The following SYNCRIP variants were observed in gnomAD, a reference collection of about 807,000 sequenced individuals.
The protein encoded by SYNCRIP is heterogeneous nuclear ribonucleoprotein Q.
SYNCRIP carries 9 observed loss-of-function variants against 68.9 expected under a neutral mutation model. The observed-to-expected ratio is 0.13, with a 90% CI of 0.08 to 0.23. The LOEUF (loss-of-function observed/expected upper bound fraction) is 0.23, where lower values mean the gene tolerates loss of function less well. Among genes scored for constraint, SYNCRIP ranks in the 10% least tolerant of loss-of-function variants. The pLI, the probability that SYNCRIP is intolerant of heterozygous loss-of-function variation, is 1.00. For missense variants in SYNCRIP, 414 were observed against 770.6 expected (o/e 0.54, Z 5.48); for synonymous variants, 258 against 254.0 (o/e 1.02, Z -0.15).
chr6:85,640,455 A>G lies in SYNCRIP; in HGVS notation c.258T>C (p.Ser86=), dbSNP rs1808997347. The G allele has an allele frequency of 1.2e-6, 2 of 1,603,002 alleles. No homozygotes were observed. Among genetic ancestry groups the G allele is most frequent in the Admixed American group, 3.5e-5 (2 of 57,610 alleles). ...VLQQFKDSDL[S]HVQNKSAFLC... ...TTGACATTAACATTACCTGAACATG[A>G]GAGAGATCACTGTCTTTAAACTGTT... is the stretch of plus-strand genomic sequence containing the variant. Residue 86 remains serine, a synonymous_variant, in exon 3 of 11, where the codon TCT becomes TCC. Coordinates refer to ENST00000369622, the MANE Select transcript of SYNCRIP (RefSeq NM_006372.5).
At chr6:85,627,699 A>G (rs772127387) in intron 6 of SYNCRIP, among the ~76,000 whole-genome samples, 1 of 152,282 alleles carries the variant, frequency 6.6e-6, no homozygotes, top group Middle Eastern at 3.4e-3. Flanking sequence ...CACACACACA[A>G]AAAGTCTTAT....
At chr6:85,642,311 C>A in intron 1 of SYNCRIP, among the ~76,000 whole-genome samples, 1 of 152,176 alleles carries the variant, frequency 6.6e-6, no homozygotes, top group African/African-American at 2.4e-5. Context: ...GAGACGTGAC[C>A]CGTGGCGCGC....
chr6:85,637,704 T>C (rs1211532856), intron 4 of SYNCRIP, among the ~76,000 whole-genome samples: 1 of 152,224 alleles, frequency 6.6e-6, no homozygotes, highest in African/African-American at 2.4e-5. Context: ...TGTACCTAAT[T>C]TGGTTGAGCA....
At chr6:85,640,370 C>A in intron 3 of SYNCRIP, 42 bp from the exon 4 acceptor site, 1 of 1,593,130 alleles carries the variant, frequency 6.3e-7, no homozygotes, top group Non-Finnish European at 8.6e-7. Flanking sequence ...ATAACCATAT[C>A]TGAGTCTAAT....
chr6:85,638,189 T>C (rs1342623756), intron 4 of SYNCRIP, among the ~76,000 whole-genome samples: 1 of 151,954 alleles, frequency 6.6e-6, no homozygotes, highest in East Asian at 1.9e-4. Context: ...CTGGCCAAGA[T>C]GGTGAAACCC....
intron 9 of SYNCRIP, 73 bp downstream of exon 9, chr6:85,619,195 A>G (rs1238674828): frequency 1.4e-5 from 22 of 1,575,230 alleles, no homozygotes; most frequent in Non-Finnish European, 1.8e-5. Context: ...CCAATTTGTA[A>G]AACTATTTTG....
chr6:85,642,966 T>TCCCGGTGCGCGCGCGCGCC, upstream of SYNCRIP: 5 of 151,616 alleles, frequency 3.3e-5, no homozygotes, highest in African/African-American at 4.9e-5. Flanking sequence ...CCGAGCGCGC[T>TCCCGGTGCGCGCGCGCGCC]CCCGGTGCGC....
chr6:85,635,586 A>G (rs1431617069), intron 6 of SYNCRIP, among the ~76,000 whole-genome samples: 2 of 152,156 alleles, frequency 1.3e-5, no homozygotes, highest in East Asian at 3.9e-4. Context: ...CCTGGCCAAC[A>G]TGGTGAAACC....
Position 85,640,699 on chromosome 6 carries a change from A to AC in SYNCRIP, c.149-136dup, listed in dbSNP as rs1491436856. ...CTCATCTATACCTGAAAAAAAAAAA[A>AC]CACACACTTCAGCCACTCTGAACTG... On this transcript the variant is annotated intron_variant, in intron 2 of 10. Transcript: ENST00000369622. 10 of 551,134 alleles carry AC rather than the reference A, an allele frequency of 1.8e-5. No individual in the cohort carries two copies. In the South Asian group the frequency reaches 2.5e-4, roughly 14 times the overall value. 34.1% of individuals were successfully genotyped at this position (551,134 alleles called of 1,614,324 possible). A position where few individuals can be genotyped will look rare whatever the true frequency, so the allele number is the denominator to read the frequency against.
chr6:85,617,711 G>A (rs747985764), intron 10 of SYNCRIP, among the ~76,000 whole-genome samples: 1 of 152,212 alleles, frequency 6.6e-6, no homozygotes, highest in Non-Finnish European at 1.5e-5. Flanking sequence ...ACTAGAACTT[G>A]ATCAATTCCC....
chr6:85,640,410 C>T (rs1222485533), intron 3 of SYNCRIP, 36 bp downstream of exon 3: 6 of 1,581,008 alleles, frequency 3.8e-6, no homozygotes, highest in East Asian at 2.2e-5. Context: ...CAAAACTACT[C>T]AAATTTTTTA....
intron 8 of SYNCRIP, among the ~76,000 whole-genome samples, chr6:85,620,525 C>T (rs1806271578): frequency 6.6e-6 from 1 of 152,116 alleles, no homozygotes; most frequent in Non-Finnish European, 1.5e-5. Flanking sequence ...TGACTAAGCA[C>T]AGGACAGAGG....
At chr6:85,627,979 C>A (rs923694798) in intron 6 of SYNCRIP, among the ~76,000 whole-genome samples, 2 of 152,184 alleles carry the variant, frequency 1.3e-5, no homozygotes, top group Non-Finnish European at 2.9e-5. Context: ...AATTTGGAAT[C>A]TGATCCAGAA....
downstream of SYNCRIP, chr6:85,612,755 A>C: frequency 1.1e-6 from 1 of 936,166 alleles, no homozygotes; most frequent in East Asian, 3.0e-5. Flanking sequence ...TGATTCCATG[A>C]TCTTCATAGG....
chr6:85,614,081 T>C lies in SYNCRIP; in HGVS notation c.*675A>G, dbSNP rs1805500732. The stretch of plus-strand genomic sequence containing the variant: ...ACTGCAATAAATCAGTGTTGTGTAA[T>C]GTGCAGACATATTCCACACAAGAAT... On this transcript the variant is annotated 3_prime_UTR_variant, in exon 11 of 11. Transcript: ENST00000369622. 1.0e-6 allele frequency: 1 copy of C among 985,900 alleles called. No homozygotes were observed. Among genetic ancestry groups the C allele is most frequent in the Non-Finnish European group, 1.2e-6 (1 of 829,942 alleles). 61.1% of individuals were successfully genotyped at this position (985,900 alleles called of 1,614,324 possible).
Position 85,642,835 on chromosome 6 carries a change from GT to G in SYNCRIP, c.-52del, listed in dbSNP as rs1309741270. ...TGAGGCGGAGAAATCCTGTCCGATG[GT>G]ATCGGGTTGCGGGAAACGCGTGCTC... is the stretch of plus-strand genomic sequence containing the variant. On this transcript the variant is annotated 5_prime_UTR_variant, in exon 1 of 11. Coordinates refer to ENST00000369622, the MANE Select transcript of SYNCRIP (RefSeq NM_006372.5). 6.5e-6 allele frequency: 1 copy of G among 152,736 alleles called. No homozygotes were observed. Among genetic ancestry groups the G allele is most frequent in the African/African-American group, 2.4e-5 (1 of 41,456 alleles). 9.5% of individuals were successfully genotyped at this position (152,736 alleles called of 1,614,324 possible). A position where few individuals can be genotyped will look rare whatever the true frequency, so the allele number is the denominator to read the frequency against.
chr6:85,614,567 T>C lies in SYNCRIP; in HGVS notation c.*189A>G, dbSNP rs1805544825. On this transcript the variant is annotated 3_prime_UTR_variant, in exon 11 of 11. Coordinates refer to ENST00000369622, the MANE Select transcript of SYNCRIP (RefSeq NM_006372.5). ...CTAAGAATATCTTTATTGAAAAAAA[T>C]TAAAAATAAAATCAGTTCGCCAGAA... 8.5e-6 allele frequency: 11 copies of C among 1,287,372 alleles called. No individual in the cohort carries two copies. The South Asian group carries it at 2.8e-4, about 33-fold the overall frequency. The allele number at this position is 1,287,372 out of a possible 1,614,324, so 79.7% of individuals were successfully genotyped here. A position where few individuals can be genotyped will look rare whatever the true frequency, so the allele number is the denominator to read the frequency against.
chr6:85,636,480 A>G (rs1168452619), intron 6 of SYNCRIP, among the ~76,000 whole-genome samples: 1 of 152,092 alleles, frequency 6.6e-6, no homozygotes, highest in Non-Finnish European at 1.5e-5. Context: ...TTCCTTTTTA[A>G]AAAAGTTGGA....
In SYNCRIP at chr6:85,631,119, A is replaced by T. The variant is rs181017775; in HGVS notation, c.666+5848T>A. 8.0e-3 allele frequency among the ~76,000 whole-genome samples: 1,213 copies of T among 152,184 alleles called. 20 individuals carry two copies. Among genetic ancestry groups the T allele is most frequent in the African/African-American group, 0.028 (1,164 of 41,528 alleles). ...GTACTTTGGGAGGCTGAGGCGGGCA[A>T]ATCACTTGGGGTCAGGAGTTCGAGA... On this transcript the variant is annotated intron_variant, in intron 6 of 10. Coordinates refer to ENST00000369622, the MANE Select transcript of SYNCRIP (RefSeq NM_006372.5).
Sources: gnomAD v4.1 joint callset for allele counts (sites outside exome capture counted in the v4.1 genomes callset) on GRCh38, gnomAD v4.1.1 for gene constraint, MANE v1.5 for transcripts, NCBI Gene and HGNC (gene_info 2026-07-23, HGNC 2026-07-21) for gene names.